The following LRP2BP variants were observed in gnomAD, a reference collection of about 807,000 sequenced individuals.
The protein encoded by LRP2BP is LRP2-binding protein.
In LRP2BP, 38 loss-of-function variants were observed where a neutral mutation model predicts 45.2. The ratio of observed to expected loss-of-function variants is 0.84; its 90% CI spans 0.65 to 1.10. The LOEUF (loss-of-function observed/expected upper bound fraction) is 1.10, where lower values mean the gene tolerates loss of function less well. LRP2BP is among the 50% of genes least tolerant of loss of function. The pLI is 0.00. For missense variants in LRP2BP, 385 were observed against 418.9 expected, an observed-to-expected ratio of 0.92 and a Z score of 0.71; for synonymous variants, 153 against 153.9, an observed-to-expected ratio of 0.99 and a Z score of 0.04.
chr4:185,372,603 A>T (rs140904325), intron 7 of LRP2BP, among the ~76,000 whole-genome samples: 2 of 152,212 alleles, frequency 1.3e-5, no homozygotes, highest in African/African-American at 4.8e-5. Flanking sequence ...GTGTGATCGT[A>T]TCAAGAGGTG....
chr4:185,386,795 G>C (rs2095473006), intron 1 of LRP2BP, among the ~76,000 whole-genome samples: 1 of 152,242 alleles, frequency 6.6e-6, no homozygotes, highest in African/African-American at 2.4e-5. Context: ...GAAAGGACTA[G>C]CTAGTGGTGA....
chr4:185,397,223 C>T (rs115813463), upstream of LRP2BP: 796 of 1,614,150 alleles, frequency 4.9e-4, 2 homozygotes, highest in African/African-American at 4.7e-3. Flanking sequence ...AAGCAGTCGC[C>T]TGTCCACTTA....
rs1173197283 is a variant in LRP2BP at position 185,395,871 on chromosome 4, C to A, written c.-1114G>T. 1.0e-6 allele frequency: 1 copy of A among 985,356 alleles called. No individual in the cohort carries two copies. The highest frequency in any genetic ancestry group is 1.7e-5 in the African/African-American group (1 of 57,244). 61.0% of individuals were successfully genotyped at this position (985,356 alleles called of 1,614,324 possible). On this transcript the variant is annotated 5_prime_UTR_variant, in exon 1 of 9. Coordinates refer to ENST00000505916, the MANE Select transcript of LRP2BP (RefSeq NM_001377440.1). ...AATGTAGGGGAAAAGAAACACTCGG[C>A]TGGAGCTTTGGTTTCTAAGCAGATC... is the stretch of plus-strand genomic sequence containing the variant.
At chr4:185,387,622 TTCTC>T (rs1446865672) in intron 1 of LRP2BP, among the ~76,000 whole-genome samples, 2 of 152,234 alleles carry the variant, frequency 1.3e-5, no homozygotes, top group African/African-American at 2.4e-5. Flanking sequence ...CATGTTTCTC[TTCTC>T]TATTTCTCAA....
rs930649351 is a variant in LRP2BP at position 185,366,426 on chromosome 4, T to G, written c.*754A>C. The G allele has an allele frequency of 2.0e-5, 3 of 152,232 alleles. No homozygotes were observed. Among genetic ancestry groups the G allele is most frequent in the Non-Finnish European group, 4.4e-5 (3 of 68,028 alleles). 9.4% of individuals were successfully genotyped at this position (152,232 alleles called of 1,614,324 possible). The stretch of plus-strand genomic sequence containing the variant: ...TTATTACACATTCTGCATATGTATG[T>G]AGCAGTTGTTTTACTCATTAAGATC... On this transcript the variant is annotated 3_prime_UTR_variant, in exon 9 of 9. Coordinates refer to ENST00000505916, the MANE Select transcript of LRP2BP (RefSeq NM_001377440.1).
At chr4:185,375,822 A>G in intron 3 of LRP2BP, 96 bp from the exon 4 acceptor site, 1 of 624,938 alleles carries the variant, frequency 1.6e-6, no homozygotes, top group East Asian at 3.3e-5. Flanking sequence ...CAAGTTAAAC[A>G]CACAGTTAAC....
chr4:185,379,904 G>A (rs2095450694), intron 1 of LRP2BP, among the ~76,000 whole-genome samples: 1 of 152,154 alleles, frequency 6.6e-6, no homozygotes, highest in African/African-American at 2.4e-5. Flanking sequence ...CTCAACTGCA[G>A]CCTCAACCTC....
chr4:185,397,138 C>CTTT, upstream of LRP2BP: 1 of 1,613,014 alleles, frequency 6.2e-7, no homozygotes, highest in Non-Finnish European at 8.5e-7. Context: ...TGGATCTGTT[C>CTTT]TCTTCCTGCA....
chr4:185,391,476 A>C (rs2095488218), intron 1 of LRP2BP, among the ~76,000 whole-genome samples: 2 of 152,212 alleles, frequency 1.3e-5, no homozygotes, highest in Non-Finnish European at 2.9e-5. Flanking sequence ...TTCTGTAAAG[A>C]AGCATTGTCT....
intron 7 of LRP2BP, among the ~76,000 whole-genome samples, chr4:185,371,937 G>A (rs962155827): frequency 2.0e-5 from 3 of 152,156 alleles, no homozygotes; most frequent in Admixed American, 6.5e-5. Context: ...ACCAGCACAC[G>A]CAGAGTCTGA....
chr4:185,396,789 C>T (rs2095504498), upstream of LRP2BP: 6 of 966,074 alleles, frequency 6.2e-6, no homozygotes, highest in Non-Finnish European at 9.7e-6. Flanking sequence ...CTGCCAAGGG[C>T]CGGCCCGGAA....
chr4:185,396,166 C>T (rs1447288594), upstream of LRP2BP: 1 of 152,422 alleles, frequency 6.6e-6, no homozygotes, highest in African/African-American at 2.4e-5. Context: ...CTGCGCGGGC[C>T]GGGCTCGGCC....
At chr4:185,387,272 A>G (rs1030341116) in intron 1 of LRP2BP, among the ~76,000 whole-genome samples, 1 of 152,186 alleles carries the variant, frequency 6.6e-6, no homozygotes, top group African/African-American at 2.4e-5. Flanking sequence ...ACTGTGGATT[A>G]TGTGCAGGTA....
rs545145606 is a variant in LRP2BP, at chr4:185,368,781, T to A, written c.979-1536A>T. Among the ~76,000 whole-genome samples the A allele has an allele frequency of 2.0e-5, 3 of 150,976 alleles. No homozygotes were observed. The East Asian group carries it at 5.8e-4, about 29-fold the overall frequency. ...CATCGTATGGAAAATCGTTCTCAGATTGGAATCTGTTTTGTTTTTTTTTTT... is the reference window on the plus strand; with the variant it reads ...CATCGTATGGAAAATCGTTCTCAGAATGGAATCTGTTTTGTTTTTTTTTTT... On this transcript the variant is annotated intron_variant, in intron 8 of 8. Coordinates refer to ENST00000505916, the MANE Select transcript of LRP2BP (RefSeq NM_001377440.1).
Position 185,365,847 on chromosome 4 carries a change from T to A in LRP2BP, c.*1333A>T, listed in dbSNP as rs1320852512. ...AGAAATACATGACCATTTGAGGATA[T>A]CTCAAACCCGAGTCTGTTGAAATTT... On this transcript the variant is annotated 3_prime_UTR_variant, in exon 9 of 9. Transcript: ENST00000505916. 1 of 152,088 alleles carries A rather than the reference T, an allele frequency of 6.6e-6. No homozygotes were observed. The highest frequency in any genetic ancestry group is 2.4e-5 in the African/African-American group (1 of 41,418). 9.4% of individuals were successfully genotyped at this position (152,088 alleles called of 1,614,324 possible). A position where few individuals can be genotyped will look rare whatever the true frequency, so the allele number is the denominator to read the frequency against.
intron 1 of LRP2BP, among the ~76,000 whole-genome samples, chr4:185,388,730 T>C (rs2126841120): frequency 6.6e-6 from 1 of 152,350 alleles, no homozygotes; most frequent in East Asian, 1.9e-4. Flanking sequence ...GTCTTTATAT[T>C]GTTTAAATGA....
chr4:185,390,796 T>C (rs1415087356), intron 1 of LRP2BP: 2 of 152,214 alleles, frequency 1.3e-5, no homozygotes, highest in African/African-American at 4.8e-5. Context: ...TTCCTCTTTT[T>C]TGAAGTACAC....
chr4:185,396,606 C>G, upstream of LRP2BP: 1 of 396,036 alleles, frequency 2.5e-6, no homozygotes, highest in Non-Finnish European at 4.5e-6. Flanking sequence ...GAGGGCCTGA[C>G]GCATCCACAG....
Position 185,394,780 on chromosome 4 carries a change from C to T in LRP2BP, c.-23G>A. 1.0e-6 allele frequency: 1 copy of T among 985,414 alleles called. No individual in the cohort carries two copies. Among genetic ancestry groups the T allele is most frequent in the Non-Finnish European group, 1.2e-6 (1 of 829,902 alleles). 61.0% of individuals were successfully genotyped at this position (985,414 alleles called of 1,614,324 possible). A position where few individuals can be genotyped will look rare whatever the true frequency, so the allele number is the denominator to read the frequency against. On this transcript the variant is annotated splice_region_variant and 5_prime_UTR_variant, in exon 1 of 9. An upstream start codon of the reference 5' UTR is lost. Coordinates refer to ENST00000505916, the MANE Select transcript of LRP2BP (RefSeq NM_001377440.1). ...TCTCTCATCTATTCGGTCACTTACT[C>T]ATCATCCAACGTTTTTTTTAACACT...
Sources: gnomAD v4.1 joint callset for allele counts (sites outside exome capture counted in the v4.1 genomes callset) on GRCh38, gnomAD v4.1.1 for gene constraint, MANE v1.5 for transcripts, NCBI Gene and HGNC (gene_info 2026-07-23, HGNC 2026-07-21) for gene names.